The following DOCK2 variants were observed in gnomAD, a reference collection of about 807,000 sequenced individuals.
The protein encoded by DOCK2 is dedicator of cytokinesis 2, also known as dedicator of cytokinesis protein 2.
Under a neutral mutation model 248.9 loss-of-function variants are expected in DOCK2, and 87 were observed. The ratio of observed to expected loss-of-function variants is 0.35; its 90% confidence interval spans 0.29 to 0.42. DOCK2 has a LOEUF of 0.42. DOCK2 is among the 10% of genes least tolerant of loss of function. The pLI, the probability that DOCK2 is intolerant of heterozygous loss-of-function variation, is 1.00. For missense variants in DOCK2, 1,747 were observed against 2,300.2 expected, an observed-to-expected ratio of 0.76 and a Z score of 4.92; for synonymous variants, 805 against 821.6, an observed-to-expected ratio of 0.98 and a Z score of 0.35.
chr5:169,868,625 G>A (rs1192825510), intron 27 of DOCK2, among the ~76,000 whole-genome samples: 1 of 152,126 alleles, frequency 6.6e-6, no homozygotes, highest in Admixed American at 6.5e-5. Context: ...ATGTGTGGTG[G>A]TGTGCAACTG....
At chr5:170,046,823 A>C (rs994515643) in intron 39 of DOCK2, among the ~76,000 whole-genome samples, 2 of 152,094 alleles carry the variant, frequency 1.3e-5, no homozygotes, top group East Asian at 3.8e-4. Flanking sequence ...ATGTATGTGC[A>C]CTTGCCTGCA....
At position 169,717,272 on chromosome 5, in the gene DOCK2, G is replaced by A. The variant is rs559418808; in HGVS notation, c.2032-112G>A. The A allele has an allele frequency of 1.6e-4, 127 of 813,310 alleles. No individual in the cohort carries two copies. The East Asian group carries it at 2.8e-3, about 18-fold the overall frequency. 50.4% of individuals were successfully genotyped at this position (813,310 alleles called of 1,614,324 possible). ...AATAAAGAGAACTCATTATGTATTA[G>A]TGAGCTAATTCCTGGGCAAAGGATT... On this transcript the variant is annotated intron_variant, in intron 20 of 51. Transcript: ENST00000520908.
chr5:169,811,074 G>A lies in DOCK2; in HGVS notation c.2703+7868G>A, dbSNP rs373287631. Among the ~76,000 whole-genome samples, 159 of 151,820 alleles carry A rather than the reference G, an allele frequency of 1.0e-3. 1 individual carries two copies. The highest frequency in any genetic ancestry group is 3.6e-3 in the African/African-American group (148 of 41,382). The stretch of plus-strand genomic sequence containing the variant: ...CAGATATGGACAGCAAAGGGCATTA[G>A]CATCTTAGCTGTGTTAGAATCCCGA... On this transcript the variant is annotated intron_variant, in intron 26 of 51. Coordinates refer to ENST00000520908, the MANE Select transcript of DOCK2 (RefSeq NM_004946.3).
intron 38 of DOCK2, among the ~76,000 whole-genome samples, chr5:170,042,540 T>C (rs1050454481): frequency 2.0e-5 from 3 of 152,190 alleles, no homozygotes; most frequent in African/African-American, 7.2e-5. Flanking sequence ...CCTGGCTGCC[T>C]CTCTCATTTC....
chr5:169,803,499 G>A (rs1315825324), intron 26 of DOCK2, among the ~76,000 whole-genome samples: 2 of 152,220 alleles, frequency 1.3e-5, no homozygotes, highest in Non-Finnish European at 2.9e-5. Context: ...ACGTACTCAC[G>A]CCCTAGTTTG....
At chr5:169,967,797 A>G (rs1777357206) in intron 27 of DOCK2, among the ~76,000 whole-genome samples, 1 of 152,004 alleles carries the variant, frequency 6.6e-6, no homozygotes, top group South Asian at 2.1e-4. Flanking sequence ...AGGGAGAGAA[A>G]TGAACAAACT....
intron 1 of DOCK2, among the ~76,000 whole-genome samples, chr5:169,645,011 A>G (rs534986527): frequency 6.6e-6 from 1 of 152,284 alleles, no homozygotes; most frequent in South Asian, 2.1e-4. Flanking sequence ...TCCATGGTAT[A>G]TATGTTGACA....
At chr5:169,780,647 G>T (rs1765663154) in intron 25 of DOCK2, among the ~76,000 whole-genome samples, 1 of 152,134 alleles carries the variant, frequency 6.6e-6, no homozygotes, top group Non-Finnish European at 1.5e-5. Context: ...TTTTCTCTCT[G>T]TATTCCCAGT....
chr5:169,810,954 TAC>T (rs1026951095), intron 26 of DOCK2, among the ~76,000 whole-genome samples: 5 of 147,986 alleles, frequency 3.4e-5, no homozygotes, highest in Non-Finnish European at 7.4e-5. Context: ...CATGTATGTT[TAC>T]ACACACACAC....
chr5:170,067,765 G>A, intron 45 of DOCK2, 79 bp downstream of exon 45: 1 of 1,493,802 alleles, frequency 6.7e-7, no homozygotes, highest in Non-Finnish European at 9.1e-7. Context: ...GCAGATGCAG[G>A]TACATGTCAC....
intron 27 of DOCK2, among the ~76,000 whole-genome samples, chr5:169,862,830 T>C (rs376012283): frequency 1.4e-4 from 21 of 152,316 alleles, no homozygotes; most frequent in African/African-American, 5.1e-4. Context: ...GTGGGGTAGG[T>C]ACATCCCACG....
chr5:169,976,731 C>T (rs544688450), intron 27 of DOCK2, among the ~76,000 whole-genome samples: 9 of 152,302 alleles, frequency 5.9e-5, no homozygotes, highest in East Asian at 5.8e-4. Flanking sequence ...AAGCAGCCTG[C>T]GCTTCTGGCC....
intron 25 of DOCK2, among the ~76,000 whole-genome samples, chr5:169,766,637 G>T (rs966012597): frequency 5.9e-5 from 9 of 152,168 alleles, no homozygotes; most frequent in African/African-American, 2.2e-4. Context: ...GGGTAGTTCT[G>T]TTTTAAGTAC....
intron 27 of DOCK2, 142 bp from the exon 28 acceptor site, chr5:169,982,926 A>T: frequency 1.4e-6 from 1 of 729,384 alleles, no homozygotes; most frequent in Non-Finnish European, 2.3e-6. Flanking sequence ...TATGTTCGGC[A>T]CTGCTATTAC....
At chr5:169,804,124 TG>T (rs1318395296) in intron 26 of DOCK2, among the ~76,000 whole-genome samples, 1 of 152,204 alleles carries the variant, frequency 6.6e-6, no homozygotes, top group Non-Finnish European at 1.5e-5. Context: ...CTGAATGAAC[TG>T]TGTCTATTAT....
chr5:170,059,419 C>T (rs1757250957), intron 44 of DOCK2, among the ~76,000 whole-genome samples: 1 of 152,168 alleles, frequency 6.6e-6, no homozygotes, highest in South Asian at 2.1e-4. Context: ...TGAGCCCTGT[C>T]ACCTGGTGGT....
intron 14 of DOCK2, among the ~76,000 whole-genome samples, chr5:169,705,413 G>C (rs1761210662): frequency 6.6e-6 from 1 of 152,156 alleles, no homozygotes; most frequent in African/African-American, 2.4e-5. Context: ...GCAGGGGATA[G>C]GGGAAGTATG....
At chr5:169,729,406 T>A (rs771670239) in intron 22 of DOCK2, among the ~76,000 whole-genome samples, 1 of 152,160 alleles carries the variant, frequency 6.6e-6, no homozygotes, top group Non-Finnish European at 1.5e-5. Flanking sequence ...GAAGGAAGAT[T>A]GAAAAGGACT....
chr5:169,758,164 G>A (rs1764293734), intron 23 of DOCK2, among the ~76,000 whole-genome samples: 1 of 152,192 alleles, frequency 6.6e-6, no homozygotes, highest in African/African-American at 2.4e-5. Context: ...GAGCAGTGCT[G>A]GGCAGTGGTT....
Sources: gnomAD v4.1 joint callset for allele counts (sites outside exome capture counted in the v4.1 genomes callset) on GRCh38, gnomAD v4.1.1 for gene constraint, MANE v1.5 for transcripts, NCBI Gene and HGNC (gene_info 2026-07-23, HGNC 2026-07-21) for gene names.